CELF2: variants seen among roughly 807,000 people sequenced by gnomAD.
The protein encoded by CELF2 is CUGBP Elav-like family member 2.
A neutral mutation model predicts 62.6 loss-of-function variants in CELF2; 8 were observed. That is an observed-to-expected ratio of 0.13 (90% CI 0.07 to 0.23). The LOEUF is 0.23. Ranked by LOEUF, CELF2 falls within the 10% of genes least tolerant of loss-of-function variation. The pLI, the probability that CELF2 is intolerant of heterozygous loss-of-function variation, is 1.00. For missense variants in CELF2, 333 were observed against 671.0 expected (o/e 0.50, Z 5.56); for synonymous variants, 258 against 250.0 (o/e 1.03, Z -0.30).
intron 1 of CELF2, among the ~76,000 whole-genome samples, chr10:11,121,450 C>T (rs1196915465): frequency 6.6e-6 from 1 of 152,140 alleles, no homozygotes; most frequent in Non-Finnish European, 1.5e-5. Context: ...TCTGTCCTTG[C>T]TGTCCCTCCC....
chr10:10,834,428 T>C (rs1163787198), intron 1 of CELF2, among the ~76,000 whole-genome samples: 1 of 152,102 alleles, frequency 6.6e-6, no homozygotes, highest in African/African-American at 2.4e-5. Context: ...TTTACCTATA[T>C]AGCAAACTGC....
chr10:11,296,012 C>A lies in CELF2; in HGVS notation c.976+7460C>A, dbSNP rs544968543. On this transcript the variant is annotated intron_variant, in intron 9 of 12. Coordinates refer to ENST00000633077, the MANE Select transcript of CELF2 (RefSeq NM_001326342.2). This position sits in a 1 kb window ranked among gnomAD's most constrained non-coding sequence, Gnocchi z 5.0. Reference sequence around the variant, plus strand: ...ACCAATTTAAAGCTTAATAAAGCTGCGCAGCTTTGGGGGTAGAGATATTTA... The same window carrying A: ...ACCAATTTAAAGCTTAATAAAGCTGAGCAGCTTTGGGGGTAGAGATATTTA... Among the ~76,000 whole-genome samples the A allele has an allele frequency of 6.6e-6, 1 of 152,078 alleles. No individual in the cohort carries two copies. The highest frequency in any genetic ancestry group is 1.5e-5 in the Non-Finnish European group (1 of 68,018).
intron 2 of CELF2, among the ~76,000 whole-genome samples, chr10:10,927,699 G>C (rs935338725): frequency 6.6e-6 from 1 of 152,080 alleles, no homozygotes; most frequent in Admixed American, 6.5e-5. Flanking sequence ...AAAATGCTGG[G>C]ATTACAGGCG....
At chr10:10,746,695 G>A in the CELF2 span, among the ~76,000 whole-genome samples, 75 of 152,170 alleles carry the variant, frequency 4.9e-4, no homozygotes, top group African/African-American at 1.6e-3. Flanking sequence ...ACGTAAAATC[G>A]GAGATTTCGG....
chr10:10,723,822 G>A, the CELF2 span, among the ~76,000 whole-genome samples: 1 of 152,298 alleles, frequency 6.6e-6, no homozygotes, highest in African/African-American at 2.4e-5. Context: ...AGCTTTATTT[G>A]AAGTCACATC....
intron 3 of CELF2, among the ~76,000 whole-genome samples, chr10:11,229,963 A>ATC (rs1434303903): frequency 2.6e-5 from 4 of 152,136 alleles, no homozygotes; most frequent in Admixed American, 6.5e-5. Context: ...AGAATGAACC[A>ATC]ATGTTGACCC....
intron 1 of CELF2, among the ~76,000 whole-genome samples, chr10:11,161,443 A>G (rs1204033803): frequency 6.6e-6 from 1 of 152,248 alleles, no homozygotes; most frequent in Non-Finnish European, 1.5e-5. Context: ...AACCCAACTC[A>G]TGGAACGTGA....
intron 1 of CELF2, among the ~76,000 whole-genome samples, chr10:10,860,860 T>A (rs959687767): frequency 1.3e-5 from 2 of 152,242 alleles, no homozygotes; most frequent in Admixed American, 1.3e-4. Context: ...AGCCTGTGAT[T>A]TGCTAAAAGC....
At chr10:11,192,151 T>C (rs2134547293) in intron 2 of CELF2, among the ~76,000 whole-genome samples, 1 of 152,282 alleles carries the variant, frequency 6.6e-6, no homozygotes, top group Admixed American at 6.5e-5. Flanking sequence ...TCATACCTAC[T>C]GAGGAGGGTG....
intron 1 of CELF2, among the ~76,000 whole-genome samples, chr10:11,044,237 T>G (rs1433792749): frequency 6.6e-6 from 1 of 152,240 alleles, no homozygotes; most frequent in Non-Finnish European, 1.5e-5. Flanking sequence ...TTTGTGTTGC[T>G]TTTCCGTATT....
the CELF2 span, among the ~76,000 whole-genome samples, chr10:10,651,331 C>G: frequency 3.4e-5 from 5 of 148,612 alleles, no homozygotes; most frequent in South Asian, 1.1e-3. Flanking sequence ...CTTAGGTAAA[C>G]AAAGCAGCGG....
rs763496492 is a variant in CELF2, at chr10:11,306,899, T to C, written c.977-7240T>C. Among the ~76,000 whole-genome samples, 2 of 152,218 alleles carry C rather than the reference T, an allele frequency of 1.3e-5. No homozygotes were observed. Among genetic ancestry groups the C allele is most frequent in the African/African-American group, 2.4e-5 (1 of 41,452 alleles). The stretch of plus-strand genomic sequence containing the variant: ...GAGACCTAATTTGCATATTGATTCA[T>C]TGTCATCAATAACAAAAGGGGCCCA... On this transcript the variant is annotated intron_variant, in intron 9 of 12. Transcript: ENST00000633077. This position sits in a 1 kb window ranked among gnomAD's most constrained non-coding sequence, Gnocchi z 4.4.
chr10:11,025,207 A>ATGTGTG (rs372783836), intron 1 of CELF2, among the ~76,000 whole-genome samples: 2,855 of 141,206 alleles, frequency 0.02, 91 homozygotes, highest in African/African-American at 0.07. Flanking sequence ...ATATACATAT[A>ATGTGTG]TGTGTGTGTG....
the CELF2 span, among the ~76,000 whole-genome samples, chr10:10,584,788 G>A: frequency 2.6e-5 from 4 of 152,308 alleles, no homozygotes; most frequent in South Asian, 2.1e-4. Flanking sequence ...GTAGCCACAC[G>A]AAAGTCACAG....
intron 9 of CELF2, among the ~76,000 whole-genome samples, chr10:11,303,183 A>G (rs1176259307): frequency 6.6e-6 from 1 of 152,166 alleles, no homozygotes; most frequent in Non-Finnish European, 1.5e-5. Flanking sequence ...TTGAGCTGCA[A>G]AGAATATCTT....
At chr10:11,058,070 GAAAA>G (rs34621194) in intron 1 of CELF2, among the ~76,000 whole-genome samples, 3,433 of 126,772 alleles carry the variant, frequency 0.027, 64 homozygotes, top group South Asian at 0.048. Flanking sequence ...ATCTGAAGAG[GAAAA>G]AAAAAAAAAA....
the CELF2 span, among the ~76,000 whole-genome samples, chr10:10,734,414 C>A: frequency 2.0e-5 from 3 of 152,322 alleles, no homozygotes; most frequent in East Asian, 5.8e-4. Context: ...TGTCCATACA[C>A]ATCTGGTGCT....
chr10:11,172,074 A>G (rs1278052767), intron 2 of CELF2, among the ~76,000 whole-genome samples: 1 of 152,240 alleles, frequency 6.6e-6, no homozygotes, highest in African/African-American at 2.4e-5. Context: ...AACCTACACT[A>G]CATTTTAACG....
intron 8 of CELF2, among the ~76,000 whole-genome samples, chr10:11,282,062 G>C (rs1424931196): frequency 1.3e-5 from 2 of 152,296 alleles, no homozygotes; most frequent in South Asian, 4.1e-4. Context: ...GGGGACCTGG[G>C]GGGTAGAGTT....
Sources: allele counts gnomAD v4.1 joint callset (sites outside exome capture counted in the v4.1 genomes callset), GRCh38; gene constraint gnomAD v4.1.1; non-coding constraint Gnocchi (gnomAD v3.1); transcripts MANE v1.5; gene names NCBI Gene and HGNC (gene_info 2026-07-23, HGNC 2026-07-21).